Variants in MTMR8 observed in about 807,000 individuals in gnomAD.
The protein encoded by MTMR8 is myotubularin related protein 8, also known as phosphatidylinositol-3,5-bisphosphate 3-phosphatase MTMR8.
Under a neutral mutation model 39.3 loss-of-function variants are expected in MTMR8, and 65 were observed. The observed-to-expected ratio is 1.65, with a 90% CI of 1.35 to 2.03. The LOEUF (loss-of-function observed/expected upper bound fraction) is 2.03. Ranked by LOEUF, MTMR8 falls within the 30% of genes most tolerant of loss-of-function variation. The pLI is 0.00. For missense variants in MTMR8, 777 were observed against 538.9 expected, an observed-to-expected ratio of 1.44 and a Z score of -4.37; for synonymous variants, 245 against 185.2, an observed-to-expected ratio of 1.32 and a Z score of -2.62.
Position 64,322,774 on chromosome X carries a change from A to G in MTMR8, c.1481+5998T>C, listed in dbSNP as rs762965842. The stretch of plus-strand genomic sequence containing the variant: ...CCCAGCCAAGCTGTTACAGCACTCT[A>G]TCCTCTGAGAATAAGCTGCCTAGGA... On this transcript the variant is annotated intron_variant, in intron 12 of 13. Transcript: ENST00000374852. Among the ~76,000 whole-genome samples the G allele has an allele frequency of 2.2e-3, 242 of 112,430 alleles. 1 individual carries two copies. The highest frequency in any genetic ancestry group is 7.5e-3 in the African/African-American group (231 of 31,004).
chrX:64,307,470 TC>T (rs1237101008), intron 12 of MTMR8, among the ~76,000 whole-genome samples: 1 of 111,835 alleles, frequency 8.9e-6, no homozygotes, highest in African/African-American at 3.2e-5. Context: ...AGACTATCCT[TC>T]CCCCATTTAA....
chrX:64,337,973 G>A (rs1165779450), intron 8 of MTMR8, among the ~76,000 whole-genome samples: 1 of 111,844 alleles, frequency 8.9e-6, no homozygotes, highest in Non-Finnish European at 1.9e-5. Context: ...ACAATTTTGT[G>A]CCTCTATGTG....
intron 1 of MTMR8, among the ~76,000 whole-genome samples, chrX:64,364,851 C>T (rs1373188899): frequency 9.0e-6 from 1 of 111,223 alleles, no homozygotes; most frequent in African/African-American, 3.3e-5. Context: ...CGCAAGAAAG[C>T]TAAAAACCTT....
chrX:64,299,405 T>C (rs1921755121), intron 12 of MTMR8, among the ~76,000 whole-genome samples: 1 of 107,864 alleles, frequency 9.3e-6, no homozygotes, highest in Admixed American at 1.0e-4. Context: ...AGTTTTTATT[T>C]CTGTGGGATT....
chrX:64,300,807 A>G (rs1265868227), intron 12 of MTMR8, among the ~76,000 whole-genome samples: 3 of 106,216 alleles, frequency 2.8e-5, no homozygotes, highest in African/African-American at 1.0e-4. Flanking sequence ...GCTTGTCTGT[A>G]AAGTATTTTA....
At chrX:64,332,520 C>T (rs1922969858) in intron 10 of MTMR8, among the ~76,000 whole-genome samples, 1 of 112,032 alleles carries the variant, frequency 8.9e-6, no homozygotes, top group South Asian at 3.7e-4. Flanking sequence ...GTGGGTTTAG[C>T]TTTCTCCTTG....
At chrX:64,379,263 T>A (rs1223113161) in intron 1 of MTMR8, among the ~76,000 whole-genome samples, 2 of 111,801 alleles carry the variant, frequency 1.8e-5, no homozygotes, top group Non-Finnish European at 3.8e-5. Flanking sequence ...ACAGAATACT[T>A]CCTAACTCAT....
Position 64,395,224 on chromosome X carries a change from C to A in MTMR8, c.24+116G>T. On this transcript the variant is annotated intron_variant, in intron 1 of 13. Transcript: ENST00000374852. ...ACCCAGAAAGAGAACCCGGGACCCCCCACAGGAAAGACGCGTCAAAGAAGG... is the reference window on the plus strand; with the variant it reads ...ACCCAGAAAGAGAACCCGGGACCCCACACAGGAAAGACGCGTCAAAGAAGG... 3.8e-6 allele frequency: 3 copies of A among 790,866 alleles called. No individual in the cohort carries two copies. In the Middle Eastern group the frequency reaches 8.6e-4, roughly 228 times the overall value. 65.2% of individuals were successfully genotyped at this position (790,866 alleles called of 1,213,427 possible). A position where few individuals can be genotyped will look rare whatever the true frequency, so the allele number is the denominator to read the frequency against.
At chrX:64,323,345 G>T (rs1347350449) in intron 12 of MTMR8, among the ~76,000 whole-genome samples, 1 of 112,115 alleles carries the variant, frequency 8.9e-6, no homozygotes, top group Admixed American at 9.4e-5. Context: ...ATAATGAAAA[G>T]GAGTCATTTC....
intron 12 of MTMR8, among the ~76,000 whole-genome samples, chrX:64,289,958 T>C (rs1033275857): frequency 9.0e-6 from 1 of 110,821 alleles, no homozygotes; most frequent in Non-Finnish European, 1.9e-5. Context: ...TGTTCAGAGA[T>C]AGAAAGTAGA....
intron 1 of MTMR8, among the ~76,000 whole-genome samples, chrX:64,392,840 C>G (rs935034133): frequency 2.7e-5 from 3 of 111,140 alleles, no homozygotes; most frequent in Non-Finnish European, 5.7e-5. Context: ...TCCCTTTGAC[C>G]TGAGATGGAC....
chrX:64,275,648 CA>C (rs60193863), intron 12 of MTMR8, among the ~76,000 whole-genome samples: 8,961 of 40,542 alleles, frequency 0.22, 1,430 homozygotes, highest in African/African-American at 0.58. Context: ...GAGTCTCTCT[CA>C]AAAAAAAAAA....
intron 12 of MTMR8, among the ~76,000 whole-genome samples, chrX:64,289,379 G>A (rs1022285541): frequency 5.4e-5 from 6 of 110,605 alleles, no homozygotes; most frequent in Non-Finnish European, 9.4e-5. Context: ...CCTCAACAAC[G>A]TAAAAACAGA....
chrX:64,297,266 T>A (rs1397489586), intron 12 of MTMR8, among the ~76,000 whole-genome samples: 40 of 106,732 alleles, frequency 3.7e-4, no homozygotes, highest in African/African-American at 1.2e-3. Flanking sequence ...TTTTAATGAT[T>A]GCCATTCTAA....
chrX:64,306,911 C>CA (rs1922138867), intron 12 of MTMR8, among the ~76,000 whole-genome samples: 1 of 111,202 alleles, frequency 9.0e-6, no homozygotes, highest in Non-Finnish European at 1.9e-5. Flanking sequence ...TCTCCCTGTA[C>CA]AACTCCCTTC....
intron 12 of MTMR8, among the ~76,000 whole-genome samples, chrX:64,272,774 A>G (rs1203196840): frequency 8.9e-6 from 1 of 111,878 alleles, no homozygotes; most frequent in Non-Finnish European, 1.9e-5. Context: ...TGAAAGCAGT[A>G]AGATAAAACC....
intron 1 of MTMR8, among the ~76,000 whole-genome samples, chrX:64,365,456 C>G (rs1314592395): frequency 6.3e-5 from 7 of 111,787 alleles, no homozygotes; most frequent in Non-Finnish European, 1.1e-4. Flanking sequence ...GGGCAATATT[C>G]AACATTCTTA....
At chrX:64,393,373 G>A (rs1268542726) in intron 1 of MTMR8, among the ~76,000 whole-genome samples, 1 of 111,767 alleles carries the variant, frequency 8.9e-6, no homozygotes, top group Non-Finnish European at 1.9e-5. Context: ...ATTTTCATAT[G>A]GGCCCGTTAA....
intron 6 of MTMR8, 55 bp from the exon 7 acceptor site, chrX:64,345,232 G>A: frequency 8.8e-7 from 1 of 1,133,064 alleles, no homozygotes; most frequent in Non-Finnish European, 1.2e-6. Context: ...AAAGAATGGA[G>A]TTCATCAATC....
Sources: allele counts gnomAD v4.1 joint callset (sites outside exome capture counted in the v4.1 genomes callset), GRCh38; gene constraint gnomAD v4.1.1; transcripts MANE v1.5; gene names NCBI Gene and HGNC (gene_info 2026-07-23, HGNC 2026-07-21).